The following RB1 variants were observed in gnomAD, a reference collection of about 807,000 sequenced individuals.
RB1 encodes the protein RB transcriptional corepressor 1.
In RB1, 18 loss-of-function variants were observed where a neutral mutation model predicts 135.4. That is an observed-to-expected ratio of 0.13 (90% CI 0.09 to 0.20). The LOEUF is 0.20. RB1 is among the 10% of genes least tolerant of loss of function. RB1 has a pLI of 1.00. For missense variants in RB1, 868 were observed against 1,110.0 expected, an observed-to-expected ratio of 0.78 and a Z score of 3.10; for synonymous variants, 365 against 373.2, an observed-to-expected ratio of 0.98 and a Z score of 0.25.
At chr13:48,354,232 T>C (rs568418648) in intron 6 of RB1, among the ~76,000 whole-genome samples, 7 of 152,282 alleles carry the variant, frequency 4.6e-5, no homozygotes, top group African/African-American at 1.7e-4. Flanking sequence ...ACATGTTCAG[T>C]AAAGTTGAAG....
intron 17 of RB1, among the ~76,000 whole-genome samples, chr13:48,441,597 A>C (rs1949237307): frequency 6.6e-6 from 1 of 152,184 alleles, no homozygotes. Context: ...GCAAAACCCA[A>C]AAAACCAATA....
intron 17 of RB1, chr13:48,411,561 G>A: frequency 6.2e-7 from 1 of 1,613,698 alleles, no homozygotes; most frequent in Non-Finnish European, 8.5e-7. Context: ...GTAAACTATA[G>A]GGTCAAAACA....
intron 5 of RB1, among the ~76,000 whole-genome samples, chr13:48,348,615 G>T (rs1952518779): frequency 2.0e-5 from 3 of 150,848 alleles, no homozygotes; most frequent in Non-Finnish European, 4.4e-5. Context: ...TTTTATATTA[G>T]AATTGAAATA....
At chr13:48,432,886 C>T (rs867824231) in intron 17 of RB1, among the ~76,000 whole-genome samples, 2 of 152,122 alleles carry the variant, frequency 1.3e-5, no homozygotes, top group Non-Finnish European at 1.5e-5. Flanking sequence ...CCCTACAACT[C>T]TAATAAATCT....
At chr13:48,376,571 C>T (rs73488953) in intron 12 of RB1, among the ~76,000 whole-genome samples, 38 of 150,440 alleles carry the variant, frequency 2.5e-4, no homozygotes, top group African/African-American at 8.1e-4. Flanking sequence ...TTTGCTTTTT[C>T]GGAAGCAACA....
chr13:48,304,117 A>C, intron 1 of RB1, 68 bp downstream of exon 1: 1 of 1,322,482 alleles, frequency 7.6e-7, no homozygotes, highest in South Asian at 2.0e-5. Context: ...GGCGGGCGCC[A>C]AGGCGGCTCG....
intron 17 of RB1, among the ~76,000 whole-genome samples, chr13:48,416,902 A>C (rs993657920): frequency 8.5e-5 from 13 of 152,186 alleles, no homozygotes; most frequent in Admixed American, 7.9e-4. Context: ...TCTGAAAAAA[A>C]GGCAGCAGCC....
intron 17 of RB1, among the ~76,000 whole-genome samples, chr13:48,430,275 T>C (rs932134186): frequency 1.3e-5 from 2 of 152,188 alleles, no homozygotes; most frequent in Non-Finnish European, 2.9e-5. Flanking sequence ...TTCAGGATAA[T>C]TCAGTAAATG....
Position 48,433,225 on chromosome 13 carries a change from T to C in RB1, c.1696-19768T>C, listed in dbSNP as rs539165090. ...ATTCTTTTAGACGTTAATTTTTTTT[T>C]CAAAAAGATACATATGTACTTTTCT... On this transcript the variant is annotated intron_variant, in intron 17 of 26. Transcript: ENST00000267163. 3.3e-5 allele frequency among the ~76,000 whole-genome samples: 5 copies of C among 152,264 alleles called. No individual in the cohort carries two copies. The East Asian group carries it at 7.7e-4, about 23-fold the overall frequency.
chr13:48,397,461 T>C (rs1240363637), intron 17 of RB1, among the ~76,000 whole-genome samples: 1 of 151,842 alleles, frequency 6.6e-6, no homozygotes, highest in Non-Finnish European at 1.5e-5. Context: ...CATGGACACA[T>C]GGAGGGGAAC....
At chr13:48,476,244 T>A (rs1024694259) in intron 24 of RB1, among the ~76,000 whole-genome samples, 88 of 152,322 alleles carry the variant, frequency 5.8e-4, no homozygotes, top group African/African-American at 2.0e-3. Flanking sequence ...ATAAAGTGAA[T>A]CAAAAATTAT....
At chr13:48,324,843 GTTTT>G (rs56944149) in intron 2 of RB1, among the ~76,000 whole-genome samples, 2,193 of 142,028 alleles carry the variant, frequency 0.015, 33 homozygotes, top group Admixed American at 0.043. Flanking sequence ...TTGTGCTTTT[GTTTT>G]TTTTTTGTTT....
At chr13:48,363,825 A>G (rs1193731215) in intron 8 of RB1, among the ~76,000 whole-genome samples, 1 of 152,188 alleles carries the variant, frequency 6.6e-6, no homozygotes, top group Non-Finnish European at 1.5e-5. Flanking sequence ...ACAAGCTTCC[A>G]GGGACTGATA....
chr13:48,462,893 TATATA>T (rs763357797), intron 20 of RB1, among the ~76,000 whole-genome samples: 52 of 152,200 alleles, frequency 3.4e-4, no homozygotes, highest in Non-Finnish European at 1.9e-4. Flanking sequence ...TGACTGTAAA[TATATA>T]AGTATTTATT....
At position 48,445,463 on chromosome 13, in the gene RB1, G is replaced by A. The variant is rs982288241; in HGVS notation, c.1696-7530G>A. ...GCAACCTCTCCACTATCCCACCCGG[G>A]TACTTTAGTTCTGGTGGCCTCTTTC... On this transcript the variant is annotated intron_variant, in intron 17 of 26. Transcript: ENST00000267163. Among the ~76,000 whole-genome samples, 40 of 152,078 alleles carry A rather than the reference G, an allele frequency of 2.6e-4. 1 individual carries two copies. Among genetic ancestry groups the A allele is most frequent in the Non-Finnish European group, 5.4e-4 (37 of 68,018 alleles).
At chr13:48,340,631 G>T (rs1286204647) in intron 2 of RB1, among the ~76,000 whole-genome samples, 1 of 151,594 alleles carries the variant, frequency 6.6e-6, no homozygotes, top group East Asian at 1.9e-4. Flanking sequence ...TATATTGAGA[G>T]CAGTTATTGC....
intron 2 of RB1, 59 bp from the exon 3 acceptor site, chr13:48,342,540 A>G: frequency 9.7e-7 from 1 of 1,035,140 alleles, no homozygotes; most frequent in Non-Finnish European, 1.5e-6. Context: ...CAGTTTTAAC[A>G]TAGTATCCAG....
intron 17 of RB1, among the ~76,000 whole-genome samples, chr13:48,409,292 C>G (rs769040978): frequency 1.3e-5 from 2 of 151,348 alleles, no homozygotes; most frequent in Admixed American, 1.3e-4. Flanking sequence ...CTAAAGGAAA[C>G]CATGGATCCC....
Position 48,463,810 on chromosome 13 carries a change from A to C in RB1, c.2186A>C (p.Lys729Thr), listed in dbSNP as rs150600740. 1 of 1,605,394 alleles carries C rather than the reference A, an allele frequency of 6.2e-7. No individual in the cohort carries two copies. Among genetic ancestry groups the C allele is most frequent in the Non-Finnish European group, 8.5e-7 (1 of 1,172,394 alleles). Residue 729 changes from lysine to threonine, a missense_variant, in exon 21 of 27, where the codon AAG becomes ACG. This residue lies in a region of RB1 where 31 missense variants were observed against 78.9 expected (regional missense o/e 0.39). Transcript: ENST00000267163. Reference protein sequence around the residue: ...LKFKIIVTAYKDLPHAVQETF... With the variant: ...LKFKIIVTAYTDLPHAVQETF... ...TTCAAAATCATTGTAACAGCATACA[A>C]GGATCTTCCTCATGCTGTTCAGGAG...
Sources: gnomAD v4.1 joint callset for allele counts (sites outside exome capture counted in the v4.1 genomes callset) on GRCh38, gnomAD v4.1.1 for gene constraint, gnomAD v4.1.1 regional missense constraint, MANE v1.5 for transcripts, NCBI Gene and HGNC (gene_info 2026-07-23, HGNC 2026-07-21) for gene names.